Variants in CDA observed in about 807,000 individuals in gnomAD.
The protein encoded by CDA is cytidine aminohydrolase.
A neutral mutation model predicts 15.0 loss-of-function variants in CDA; 7 were observed. The ratio of observed to expected loss-of-function variants is 0.47; its 90% CI spans 0.26 to 0.87. The LOEUF is 0.87. Ranked by LOEUF, CDA falls within the 40% of genes least tolerant of loss-of-function variation. The pLI, the probability that CDA is intolerant of heterozygous loss-of-function variation, is 0.15. For missense variants in CDA, 159 were observed against 182.7 expected (o/e 0.87, Z 0.75); for synonymous variants, 58 against 73.0 (o/e 0.79, Z 1.05).
intron 2 of CDA, among the ~76,000 whole-genome samples, chr1:20,612,299 C>A (rs1442702803): frequency 6.6e-6 from 1 of 152,198 alleles, no homozygotes; most frequent in African/African-American, 2.4e-5. Context: ...TGTCAGGCCT[C>A]TGAGCCCAAG....
At chr1:20,601,347 T>C (rs1030585053) in intron 1 of CDA, among the ~76,000 whole-genome samples, 1 of 152,154 alleles carries the variant, frequency 6.6e-6, no homozygotes, top group Non-Finnish European at 1.5e-5. Context: ...AGCAAGGTCA[T>C]AGGAGACAAG....
chr1:20,601,674 G>A (rs557019856), intron 1 of CDA, among the ~76,000 whole-genome samples: 4 of 152,154 alleles, frequency 2.6e-5, no homozygotes, highest in Admixed American at 6.5e-5. Context: ...TCCTGAGAAC[G>A]AGTTAAATGA....
At chr1:20,602,498 A>G (rs2154532290) in intron 1 of CDA, among the ~76,000 whole-genome samples, 1 of 151,898 alleles carries the variant, frequency 6.6e-6, no homozygotes, top group South Asian at 2.1e-4. Flanking sequence ...ATCTCGGCTC[A>G]CTGCAACCTC....
intron 2 of CDA, among the ~76,000 whole-genome samples, chr1:20,611,969 CCTCCCACCTCACTCTCCT>C (rs1351095945): frequency 6.6e-6 from 1 of 151,918 alleles, no homozygotes; most frequent in Non-Finnish European, 1.5e-5. Context: ...CTCGAGTGAT[CCTCCCACCTCACTCTCCT>C]GAGTTGCTGG....
At chr1:20,593,251 G>A (rs1027974269) in intron 1 of CDA, among the ~76,000 whole-genome samples, 5 of 152,316 alleles carry the variant, frequency 3.3e-5, no homozygotes, top group African/African-American at 9.6e-5. Context: ...GGGACCAGCA[G>A]CAGTATTCGA....
intron 1 of CDA, among the ~76,000 whole-genome samples, chr1:20,598,236 G>C (rs1338969118): frequency 6.6e-6 from 1 of 152,160 alleles, no homozygotes; most frequent in African/African-American, 2.4e-5. Flanking sequence ...CCCGGTGAGT[G>C]GATGAATACC....
intron 3 of CDA, among the ~76,000 whole-genome samples, chr1:20,616,016 C>G (rs1244767169): frequency 2.6e-5 from 4 of 152,052 alleles, no homozygotes; most frequent in Admixed American, 6.6e-5. Context: ...AAATACATAC[C>G]TACAGCATCT....
chr1:20,618,701 A>G lies in CDA; in HGVS notation c.*133A>G, dbSNP rs1570389780. ...GGCAAAGATGATGTTTCCAGATTAC[A>G]CTCCAGCCTGAGTCAGCACCCCTCC... is the stretch of plus-strand genomic sequence containing the variant. On this transcript the variant is annotated 3_prime_UTR_variant, in exon 4 of 4. Transcript: ENST00000375071. The G allele has an allele frequency of 1.4e-6, 1 of 710,888 alleles. No individual in the cohort carries two copies. The highest frequency in any genetic ancestry group is 1.4e-5 in the South Asian group (1 of 68,966). 44.0% of individuals were successfully genotyped at this position (710,888 alleles called of 1,614,324 possible). A position where few individuals can be genotyped will look rare whatever the true frequency, so the allele number is the denominator to read the frequency against.
intron 1 of CDA, among the ~76,000 whole-genome samples, chr1:20,591,001 G>A (rs1389669662): frequency 1.3e-5 from 2 of 152,168 alleles, no homozygotes; most frequent in African/African-American, 4.8e-5. Context: ...TGCCTCCAGA[G>A]CCAGGGGACC....
At chr1:20,598,778 A>G (rs2052611914) in intron 1 of CDA, among the ~76,000 whole-genome samples, 1 of 152,208 alleles carries the variant, frequency 6.6e-6, no homozygotes, top group South Asian at 2.1e-4. Context: ...TCCTAATAGT[A>G]TAGCGTTGAG....
chr1:20,612,509 G>A (rs1348731551), intron 2 of CDA, among the ~76,000 whole-genome samples: 1 of 139,880 alleles, frequency 7.1e-6, no homozygotes, highest in Non-Finnish European at 1.6e-5. Flanking sequence ...TGTGACCCCC[G>A]CCCCTGCCCA....
At chr1:20,602,376 C>T (rs1238047120) in intron 1 of CDA, among the ~76,000 whole-genome samples, 1 of 151,876 alleles carries the variant, frequency 6.6e-6, no homozygotes, top group Non-Finnish European at 1.5e-5. Context: ...GTGTCCTCAT[C>T]TGCATGTTCA....
intron 1 of CDA, among the ~76,000 whole-genome samples, chr1:20,595,315 T>C (rs1306119209): frequency 1.3e-5 from 2 of 150,998 alleles, no homozygotes; most frequent in African/African-American, 4.9e-5. Flanking sequence ...CTTGGCTTAA[T>C]TCTTAAATCT....
At chr1:20,605,161 A>G (rs545721277) in intron 2 of CDA, 122 bp downstream of exon 2, 3 of 734,766 alleles carry the variant, frequency 4.1e-6, no homozygotes, top group Admixed American at 4.0e-5. Context: ...CCTATGTGCC[A>G]GGCACTGTAC....
At chr1:20,601,463 A>G (rs1056602496) in intron 1 of CDA, among the ~76,000 whole-genome samples, 6 of 152,220 alleles carry the variant, frequency 3.9e-5, no homozygotes, top group African/African-American at 1.4e-4. Flanking sequence ...GATGCTCACT[A>G]TAGTCTACCC....
intron 1 of CDA, among the ~76,000 whole-genome samples, chr1:20,596,217 G>A (rs527984914): frequency 1.3e-5 from 2 of 152,266 alleles, no homozygotes; most frequent in South Asian, 4.1e-4. Flanking sequence ...AGCTGAGTTC[G>A]AATATAATTC....
At chr1:20,610,081 G>T (rs2052732932) in intron 2 of CDA, among the ~76,000 whole-genome samples, 1 of 151,944 alleles carries the variant, frequency 6.6e-6, no homozygotes, top group African/African-American at 2.4e-5. Flanking sequence ...CAGTTGCCTA[G>T]CTCCCCTCAC....
chr1:20,617,938 C>T (rs181585556), intron 3 of CDA, among the ~76,000 whole-genome samples: 3 of 152,062 alleles, frequency 2.0e-5, no homozygotes, highest in Non-Finnish European at 2.9e-5. Context: ...TCAGGAGATC[C>T]GCCTGCCTCG....
chr1:20,607,084 A>G (rs1464196402), intron 2 of CDA, among the ~76,000 whole-genome samples: 1 of 152,202 alleles, frequency 6.6e-6, no homozygotes, highest in Non-Finnish European at 1.5e-5. Context: ...TAGTGGAGTT[A>G]ATTCCTGTGG....
Sources: allele counts gnomAD v4.1 joint callset (sites outside exome capture counted in the v4.1 genomes callset), GRCh38; gene constraint gnomAD v4.1.1; transcripts MANE v1.5; gene names NCBI Gene and HGNC (gene_info 2026-07-23, HGNC 2026-07-21).